The following DMD variants were observed in gnomAD, a reference collection of about 807,000 sequenced individuals.
DMD encodes dystrophin.
Under a neutral mutation model 330.1 loss-of-function variants are expected in DMD, and 63 were observed. The observed-to-expected ratio is 0.19, with a 90% CI of 0.16 to 0.24. The LOEUF (loss-of-function observed/expected upper bound fraction) is 0.24. Ranked by LOEUF, DMD falls within the 10% of genes least tolerant of loss-of-function variation. The pLI, the probability that DMD is intolerant of heterozygous loss-of-function variation, is 1.00. For synonymous variants in DMD, 1,223 were observed against 959.8 expected, an observed-to-expected ratio of 1.27 and a Z score of -5.07; for missense variants, 3,344 against 2,684.1, an observed-to-expected ratio of 1.25 and a Z score of -5.43.
rs7056449 is a variant in DMD, at chrX:31,606,468, G to A, written c.8217+21205C>T. On this transcript the variant is annotated intron_variant, in intron 55 of 78. Transcript: ENST00000357033. ...TGTTATTGATTACTGAGTTAGCTAAGAGGACTTCTCCTGTTATAATATTAT... is the reference window on the plus strand; with the variant it reads ...TGTTATTGATTACTGAGTTAGCTAAAAGGACTTCTCCTGTTATAATATTAT... Among the ~76,000 whole-genome samples, 453 of 111,744 alleles carry A rather than the reference G, an allele frequency of 4.1e-3. 8 individuals are homozygous for A. The highest frequency in any genetic ancestry group is 0.014 in the African/African-American group (427 of 30,795).
intron 7 of DMD, among the ~76,000 whole-genome samples, chrX:32,781,320 A>C (rs12007069): frequency 1.8e-5 from 2 of 110,532 alleles, no homozygotes; most frequent in Admixed American, 9.6e-5. Context: ...TATTTTTTGA[A>C]GGTTAGGAAT....
intron 17 of DMD, among the ~76,000 whole-genome samples, chrX:32,532,338 G>A (rs1280023033): frequency 1.8e-5 from 2 of 111,790 alleles, no homozygotes; most frequent in African/African-American, 6.5e-5. Context: ...CATAGACTTT[G>A]GCAAATTCTT....
At chrX:33,307,565 C>A (rs1008299131) in intron 1 of DMD, among the ~76,000 whole-genome samples, 1 of 111,667 alleles carries the variant, frequency 9.0e-6, no homozygotes, top group Non-Finnish European at 1.9e-5. Context: ...TCGTGGCATA[C>A]GCCTGTAGTC....
chrX:32,866,205 A>AGAGCT (rs2082466135), intron 2 of DMD, among the ~76,000 whole-genome samples: 1 of 112,197 alleles, frequency 8.9e-6, no homozygotes, highest in Admixed American at 9.5e-5. Flanking sequence ...GACATTTCGC[A>AGAGCT]GAGCTGAGCT....
intron 2 of DMD, among the ~76,000 whole-genome samples, chrX:32,937,511 T>C (rs1046618086): frequency 4.8e-5 from 5 of 103,713 alleles, no homozygotes; most frequent in African/African-American, 1.8e-4. Context: ...GTTAATCTAG[T>C]ATGTTGAGTT....
intron 54 of DMD, among the ~76,000 whole-genome samples, chrX:31,639,943 C>T (rs1413103910): frequency 9.0e-6 from 1 of 110,930 alleles, no homozygotes; most frequent in Non-Finnish European, 1.9e-5. Context: ...GTTTATTATA[C>T]TGAAAATTAA....
intron 29 of DMD, among the ~76,000 whole-genome samples, chrX:32,413,790 T>C (rs1290081071): frequency 3.9e-5 from 4 of 103,374 alleles, no homozygotes. Flanking sequence ...GCACAATCTC[T>C]GCTCACTGCA....
chrX:32,846,967 G>A (rs1257539245), intron 3 of DMD, among the ~76,000 whole-genome samples: 3 of 109,400 alleles, frequency 2.7e-5, no homozygotes, highest in Non-Finnish European at 5.7e-5. Flanking sequence ...AGATCATGTC[G>A]CTGACTCCAG....
chrX:31,325,485 G>A (rs982335538), intron 61 of DMD, among the ~76,000 whole-genome samples: 1 of 106,720 alleles, frequency 9.4e-6, no homozygotes, highest in African/African-American at 3.5e-5. Flanking sequence ...ATGGTGGCAG[G>A]TGCCTGTAAT....
chrX:32,681,315 C>A (rs894195856), intron 9 of DMD, among the ~76,000 whole-genome samples: 1 of 111,595 alleles, frequency 9.0e-6, no homozygotes, highest in African/African-American at 3.3e-5. Flanking sequence ...CCATTCATCA[C>A]GCTAGTAATA....
chrX:31,887,949 C>T (rs185638188), intron 47 of DMD, among the ~76,000 whole-genome samples: 11 of 112,122 alleles, frequency 9.8e-5, no homozygotes, highest in Non-Finnish European at 1.1e-4. Flanking sequence ...CTCCTAAAAA[C>T]GCTTATGTTC....
At chrX:31,863,006 G>A (rs748288504) in intron 48 of DMD, among the ~76,000 whole-genome samples, 29 of 112,838 alleles carry the variant, frequency 2.6e-4, no homozygotes, top group African/African-American at 8.7e-4. Flanking sequence ...TGGGGCTAAC[G>A]CCATTTTAGG....
chrX:32,559,552 C>G (rs957232338), intron 16 of DMD, among the ~76,000 whole-genome samples: 2 of 111,021 alleles, frequency 1.8e-5, no homozygotes, highest in Non-Finnish European at 3.8e-5. Flanking sequence ...AACTATATCC[C>G]CCTTGTACAA....
At chrX:33,260,270 C>G (rs988051071) in intron 1 of DMD, among the ~76,000 whole-genome samples, 1 of 111,146 alleles carries the variant, frequency 9.0e-6, no homozygotes, top group African/African-American at 3.3e-5. Context: ...AGGTGCTTAA[C>G]AGGTAAATAT....
intron 60 of DMD, among the ~76,000 whole-genome samples, chrX:31,366,763 G>A (rs1191654438): frequency 9.2e-6 from 1 of 109,234 alleles, no homozygotes; most frequent in East Asian, 2.9e-4. Context: ...ATCACTGTAT[G>A]TCCCCTTCAA....
intron 2 of DMD, among the ~76,000 whole-genome samples, chrX:32,866,071 T>A (rs146405640): frequency 8.9e-6 from 1 of 112,610 alleles, no homozygotes; most frequent in Non-Finnish European, 1.9e-5. Flanking sequence ...GCTCTCTTGT[T>A]CATGCCTCTG....
At chrX:33,074,804 A>C (rs182492861) in intron 1 of DMD, among the ~76,000 whole-genome samples, 6 of 111,508 alleles carry the variant, frequency 5.4e-5, no homozygotes, top group African/African-American at 2.0e-4. Context: ...TGCAAAAATT[A>C]TAACGGTGAG....
At chrX:32,976,666 G>C (rs1602354893) in intron 2 of DMD, among the ~76,000 whole-genome samples, 1 of 111,541 alleles carries the variant, frequency 9.0e-6, no homozygotes, top group East Asian at 2.8e-4. Context: ...CCACTCACCT[G>C]CATACGTCAG....
intron 60 of DMD, among the ~76,000 whole-genome samples, chrX:31,436,285 A>G (rs759879469): frequency 8.9e-5 from 10 of 112,272 alleles, no homozygotes; most frequent in Non-Finnish European, 1.9e-4. Context: ...AATACTTTAT[A>G]ATGATTTGGG....
Sources: allele counts gnomAD v4.1 joint callset (sites outside exome capture counted in the v4.1 genomes callset), GRCh38; gene constraint gnomAD v4.1.1; transcripts MANE v1.5; gene names NCBI Gene and HGNC (gene_info 2026-07-23, HGNC 2026-07-21).